IFI16: variants seen among roughly 807,000 people sequenced by gnomAD.
IFI16 encodes the protein interferon gamma inducible protein 16.
Under a neutral mutation model 68.4 loss-of-function variants are expected in IFI16, and 49 were observed. The observed-to-expected ratio is 0.72, with a 90% confidence interval of 0.57 to 0.91. The LOEUF is 0.91. IFI16 is among the 40% of genes least tolerant of loss of function. IFI16 has a pLI of 0.00. For synonymous variants in IFI16, 307 were observed against 315.0 expected, an observed-to-expected ratio of 0.97 and a Z score of 0.27; for missense variants, 878 against 942.9, an observed-to-expected ratio of 0.93 and a Z score of 0.90.
chr1:159,046,146 A>G (rs1301822156), intron 8 of IFI16, among the ~76,000 whole-genome samples: 2 of 151,270 alleles, frequency 1.3e-5, no homozygotes, highest in Admixed American at 6.6e-5. Context: ...ATCCTACGTT[A>G]TTTGGCTTAT....
chr1:159,015,777 A>G (rs1652879270), intron 2 of IFI16, 95 bp from the exon 3 acceptor site: 1 of 889,770 alleles, frequency 1.1e-6, no homozygotes, highest in South Asian at 1.5e-5. Flanking sequence ...AGGAACTGAG[A>G]GCAAATTGTA....
intron 2 of IFI16, 134 bp downstream of exon 2, chr1:159,015,079 G>C: frequency 1.2e-6 from 1 of 820,406 alleles, no homozygotes; most frequent in Non-Finnish European, 2.0e-6. Flanking sequence ...GACAATGTTG[G>C]TACTTCAGAG....
At chr1:159,044,177 T>G (rs1571884836) in intron 7 of IFI16, among the ~76,000 whole-genome samples, 1 of 152,130 alleles carries the variant, frequency 6.6e-6, no homozygotes. Context: ...CTATGGCTAG[T>G]CCCATCTCAC....
At chr1:159,031,197 G>T (rs968040713) in intron 6 of IFI16, among the ~76,000 whole-genome samples, 1 of 152,102 alleles carries the variant, frequency 6.6e-6, no homozygotes, top group Non-Finnish European at 1.5e-5. Context: ...CACCAACAAC[G>T]CTGAGTTTAT....
chr1:159,020,423 A>T lies in IFI16; in HGVS notation c.1055A>T (p.His352Leu). 6.2e-7 allele frequency: 1 copy of T among 1,612,490 alleles called. No homozygotes were observed. The highest frequency in any genetic ancestry group is 8.5e-7 in the Non-Finnish European group (1 of 1,178,576). ...GATGTAGTGGGGACAGGACAATGTC[A>T]CAATATCCCCTGTGAAGAAGGAGAT... ...KMDVVGTGQC[H>L]NIPCEEGDKL... The change falls in exon 6 of 12, where the codon CAC (histidine) becomes CTC (leucine). Residue 352 changes from histidine to leucine, a missense_variant. By Grantham distance (99) the His-to-Leu change is moderately conservative. Around this residue, in one of 4 missense-constraint regions of IFI16, gnomAD observed 443 missense variants for 421.8 expected, o/e 1.05. Coordinates refer to ENST00000295809, the MANE Select transcript of IFI16 (RefSeq NM_001376587.1).
intron 7 of IFI16, among the ~76,000 whole-genome samples, chr1:159,041,838 A>G (rs538270169): frequency 6.6e-6 from 1 of 152,230 alleles, no homozygotes; most frequent in African/African-American, 2.4e-5. Context: ...TGAAAAAATC[A>G]TATATGGAGC....
chr1:159,007,387 A>G (rs1423609507), upstream of IFI16, among the ~76,000 whole-genome samples: 1 of 152,214 alleles, frequency 6.6e-6, no homozygotes, highest in African/African-American at 2.4e-5. Flanking sequence ...TTAAAAGGAC[A>G]TGGATGTTTT....
rs1461100849 is a variant in IFI16, at chr1:159,010,015, CTTAGCG to C, written c.-164_-159del. 1 of 152,136 alleles carries C rather than the reference CTTAGCG, an allele frequency of 6.6e-6. No homozygotes were observed. The highest frequency in any genetic ancestry group is 2.4e-5 in the African/African-American group (1 of 41,408). 9.4% of individuals were successfully genotyped at this position (152,136 alleles called of 1,614,324 possible). ...GTTATCTTTGCAGATACTTCATTTT[CTTAGCG>C]TTTCTGGAGATTACAACATCCTGCG... On this transcript the variant is annotated 5_prime_UTR_variant, in exon 1 of 12. Coordinates refer to ENST00000295809, the MANE Select transcript of IFI16 (RefSeq NM_001376587.1).
Position 159,014,773 on chromosome 1 carries a change from C to A in IFI16, c.93C>A (p.Asn31Lys). ...HFRMVKSLLS[N>K]DLKLNLKMRE... ...GAATGGTTAAGTCCTTACTGAGCAA[C>A]GATTTAAAACTTAATTTAAAAATGA... Residue 31 changes from asparagine (N) to lysine (K), a missense_variant, in exon 2 of 12, where the codon AAC (asparagine) becomes AAA (lysine). This residue lies in a region of IFI16 where 65 missense variants were observed against 96.9 expected (regional missense o/e 0.67). Transcript: ENST00000295809. 1.2e-6 allele frequency: 2 copies of A among 1,612,244 alleles called. No individual in the cohort carries two copies. The highest frequency in any genetic ancestry group is 1.7e-6 in the Non-Finnish European group (2 of 1,178,376).
Position 159,014,725 on chromosome 1 carries a change from G to A in IFI16, c.45G>A (p.Glu15=), listed in dbSNP as rs775100615. The change falls in exon 2 of 12, where the codon GAG becomes GAA. Residue 15 remains glutamate (E), a synonymous_variant. Transcript: ENST00000295809. The stretch of plus-strand genomic sequence containing the variant: ...ACATTGTTCTACTAAAAGGATTAGA[G>A]GTCATCAATGATTATCATTTTAGAA... ...YKNIVLLKGL[E]VINDYHFRMV... is the part of the protein sequence containing the mutation. 7 of 1,607,554 alleles carry A rather than the reference G, an allele frequency of 4.4e-6. No individual in the cohort carries two copies. The Admixed American group carries it at 8.3e-5, about 19-fold the overall frequency.
At chr1:159,002,291 T>A (rs1652088255), upstream of IFI16, among the ~76,000 whole-genome samples, 1 of 151,874 alleles carries the variant, frequency 6.6e-6, no homozygotes, top group Non-Finnish European at 1.5e-5. Flanking sequence ...ACAGAGAGTA[T>A]GGAATGATTC....
chr1:159,053,403 C>A, intron 10 of IFI16, 130 bp from the exon 11 acceptor site: 1 of 558,750 alleles, frequency 1.8e-6, no homozygotes. Flanking sequence ...TATTTGGTAC[C>A]TGTTATTCAG....
chr1:159,012,849 A>G (rs775864701), intron 1 of IFI16, among the ~76,000 whole-genome samples: 3 of 152,252 alleles, frequency 2.0e-5, no homozygotes, highest in Non-Finnish European at 4.4e-5. Flanking sequence ...TATTGTTTCT[A>G]GCACACTCAC....
chr1:159,036,061 G>A (rs970381131), intron 7 of IFI16, among the ~76,000 whole-genome samples: 5 of 152,074 alleles, frequency 3.3e-5, no homozygotes, highest in African/African-American at 4.8e-5. Context: ...CTGTCAACAA[G>A]GTAAACAGAA....
intron 1 of IFI16, among the ~76,000 whole-genome samples, chr1:159,013,200 A>G (rs113884131): frequency 0.056 from 6,030 of 107,314 alleles, 502 homozygotes; most frequent in African/African-American, 0.2. Context: ...ACGGAGTCTC[A>G]CTCTGTCACC....
At chr1:159,008,255 T>TTA (rs761276524), upstream of IFI16, among the ~76,000 whole-genome samples, 7 of 152,314 alleles carry the variant, frequency 4.6e-5, no homozygotes, top group Admixed American at 3.3e-4. Context: ...GCTACATAAT[T>TTA]TATATATATG....
chr1:159,033,129 G>T (rs1654112050), intron 7 of IFI16, among the ~76,000 whole-genome samples: 1 of 151,904 alleles, frequency 6.6e-6, no homozygotes, highest in African/African-American at 2.4e-5. Context: ...TTTCTTGATG[G>T]GTATCTGTTT....
chr1:159,043,070 G>A (rs565946904), intron 7 of IFI16, among the ~76,000 whole-genome samples: 7 of 152,200 alleles, frequency 4.6e-5, no homozygotes, highest in African/African-American at 1.2e-4. Context: ...GTCAGTTGAG[G>A]ACAGGCTTTC....
Position 159,022,035 on chromosome 1 carries a change from C to T in IFI16, c.1161+1506C>T, listed in dbSNP as rs141520474. Among the ~76,000 whole-genome samples, 156 of 146,282 alleles carry T rather than the reference C, an allele frequency of 1.1e-3. No individual in the cohort carries two copies. The East Asian group carries it at 0.018, about 17-fold the overall frequency. On this transcript the variant is annotated intron_variant, in intron 6 of 11. Transcript: ENST00000295809. ...CGGGAGTGCAGTGGCGCTATCTCGG[C>T]TTACTGCAAGCTCCGCCTCCCGGGT...
Sources: gnomAD v4.1 joint callset for allele counts (sites outside exome capture counted in the v4.1 genomes callset) on GRCh38, gnomAD v4.1.1 for gene constraint, gnomAD v4.1.1 regional missense constraint, MANE v1.5 for transcripts, NCBI Gene and HGNC (gene_info 2026-07-23, HGNC 2026-07-21) for gene names.